Variants in PJA2 observed in about 807,000 individuals in gnomAD.
PJA2 encodes praja ring finger ubiquitin ligase 2.
PJA2 carries 25 observed loss-of-function variants against 69.3 expected under a neutral mutation model. That is an observed-to-expected ratio of 0.36 (90% CI 0.26 to 0.50). PJA2 has a LOEUF of 0.50. Ranked by LOEUF, PJA2 falls within the 20% of genes least tolerant of loss-of-function variation. PJA2 has a pLI of 0.96. For synonymous variants in PJA2, 308 were observed against 277.8 expected, an observed-to-expected ratio of 1.11 and a Z score of -1.08; for missense variants, 809 against 830.2, an observed-to-expected ratio of 0.97 and a Z score of 0.31.
Position 109,370,032 on chromosome 5 carries a change from CAAAAAAAAA to C in PJA2, c.1284-1295_1284-1287del, listed in dbSNP as rs1168528650. On this transcript the variant is annotated intron_variant, in intron 4 of 9. Transcript: ENST00000361189. ...GGGCAACAGGAGTGAAACTCCCTCT[CAAAAAAAAA>C]AAAAAAAAAAAAAAGCAGCACAGAA... Among the ~76,000 whole-genome samples, 17 of 49,080 alleles carry C rather than the reference CAAAAAAAAA, an allele frequency of 3.5e-4. No individual in the cohort carries two copies. The East Asian group carries it at 0.01, about 29-fold the overall frequency. 32.2% of individuals were successfully genotyped at this position (49,080 alleles called of 152,430 possible). A position where few individuals can be genotyped will look rare whatever the true frequency, so the allele number is the denominator to read the frequency against.
Position 109,378,538 on chromosome 5 carries a change from T to C in PJA2, c.949A>G (p.Lys317Glu). 6.2e-7 allele frequency: 1 copy of C among 1,614,182 alleles called. No individual in the cohort carries two copies. Among genetic ancestry groups the C allele is most frequent in the Non-Finnish European group, 8.5e-7 (1 of 1,180,010 alleles). The change falls in exon 4 of 10, where the codon AAA (lysine) becomes GAA (glutamate). Residue 317 changes from lysine (K) to glutamate (E), a missense_variant. Around this residue, in one of 4 missense-constraint regions of PJA2, gnomAD observed 700 missense variants for 639.5 expected, o/e 1.09. Transcript: ENST00000361189. ...GSSPEQVVRP[K>E]VRKLISSSQV... Reference sequence around the variant, plus strand: ...CTTGAACTTATCAGTTTTCTAACTTTTGGCCTCACTACCTGTTCAGGAGAA... The same window carrying C: ...CTTGAACTTATCAGTTTTCTAACTTCTGGCCTCACTACCTGTTCAGGAGAA...
At chr5:109,345,172 G>A (rs1582584168) in intron 7 of PJA2, among the ~76,000 whole-genome samples, 5 of 113,976 alleles carry the variant, frequency 4.4e-5, no homozygotes, top group African/African-American at 1.1e-4. Context: ...GTGAAATCCC[G>A]TCTCTAGTAA....
At chr5:109,338,568 C>T (rs1410340712) in intron 9 of PJA2, among the ~76,000 whole-genome samples, 8 of 136,484 alleles carry the variant, frequency 5.9e-5, no homozygotes, top group African/African-American at 2.0e-4. Context: ...ACCCGGGAGG[C>T]GGAGGTTGCA....
At chr5:109,380,801 T>C (rs1395287725) in intron 3 of PJA2, among the ~76,000 whole-genome samples, 3 of 75,386 alleles carry the variant, frequency 4.0e-5, no homozygotes, top group Non-Finnish European at 5.5e-5. Flanking sequence ...TAAGATTCCA[T>C]CTCAAAAAAA....
chr5:109,406,179 T>G (rs976985927), intron 1 of PJA2, among the ~76,000 whole-genome samples: 1 of 151,776 alleles, frequency 6.6e-6, no homozygotes, highest in African/African-American at 2.4e-5. Context: ...TAGCTGGCAC[T>G]ACAGGTATCC....
rs1390413532 is a variant in PJA2 at position 109,335,836 on chromosome 5, A to C, written c.*1395T>G. 6.6e-6 allele frequency: 1 copy of C among 152,650 alleles called. No individual in the cohort carries two copies. Among genetic ancestry groups the C allele is most frequent in the South Asian group, 2.1e-4 (1 of 4,830 alleles). 9.5% of individuals were successfully genotyped at this position (152,650 alleles called of 1,614,324 possible). ...CAAAGAACTCCTAAATTACAAATTC[A>C]TCACATTACATGCATGCAATGTTCA... On this transcript the variant is annotated 3_prime_UTR_variant, in exon 10 of 10. Transcript: ENST00000361189.
intron 5 of PJA2, among the ~76,000 whole-genome samples, chr5:109,363,694 T>G (rs1469558050): frequency 1.4e-5 from 2 of 141,670 alleles, no homozygotes; most frequent in African/African-American, 5.1e-5. Context: ...CTCTGCTTAT[T>G]TAAACTATAA....
chr5:109,369,009 A>G (rs541004060), intron 4 of PJA2, among the ~76,000 whole-genome samples: 18 of 151,394 alleles, frequency 1.2e-4, no homozygotes, highest in African/African-American at 4.4e-4. Flanking sequence ...AGTGTGTGGC[A>G]CCTCCCCCCT....
chr5:109,368,155 A>G (rs1762616636), intron 5 of PJA2, among the ~76,000 whole-genome samples: 2 of 152,208 alleles, frequency 1.3e-5, no homozygotes, highest in Admixed American at 1.3e-4. Context: ...ATCTCATCCA[A>G]TGCAATTAGA....
chr5:109,390,514 T>G (rs1326476666), intron 1 of PJA2: 1 of 152,034 alleles, frequency 6.6e-6, no homozygotes, highest in Middle Eastern at 3.2e-3. Context: ...TCTTACTCAC[T>G]TATATATAAT....
At chr5:109,353,648 T>C (rs1331383104) in intron 7 of PJA2, among the ~76,000 whole-genome samples, 1 of 146,852 alleles carries the variant, frequency 6.8e-6, no homozygotes, top group Non-Finnish European at 1.5e-5. Context: ...GATATCTATA[T>C]ATTAGATACC....
chr5:109,337,797 T>C (rs541818727), intron 9 of PJA2, among the ~76,000 whole-genome samples: 227 of 151,980 alleles, frequency 1.5e-3, no homozygotes, highest in Non-Finnish European at 2.3e-3. Flanking sequence ...TCACACCAAA[T>C]CATTTATGAT....
intron 4 of PJA2, among the ~76,000 whole-genome samples, chr5:109,376,687 G>C (rs911131130): frequency 1.3e-5 from 2 of 152,146 alleles, no homozygotes; most frequent in East Asian, 3.9e-4. Context: ...ATCAAAGACT[G>C]TAAGTTTTGT....
intron 6 of PJA2, among the ~76,000 whole-genome samples, chr5:109,358,649 G>A (rs1290942518): frequency 2.6e-5 from 4 of 151,986 alleles, no homozygotes; most frequent in Admixed American, 6.6e-5. Context: ...GTGAAAGCCC[G>A]TATCTACAAA....
chr5:109,396,383 T>TA (rs1378636502), intron 1 of PJA2, among the ~76,000 whole-genome samples: 1 of 151,472 alleles, frequency 6.6e-6, no homozygotes, highest in Non-Finnish European at 1.5e-5. Context: ...ATTTTCTTCT[T>TA]AAAATACCAA....
chr5:109,358,684 G>A (rs1035687346), intron 6 of PJA2, among the ~76,000 whole-genome samples: 1 of 152,072 alleles, frequency 6.6e-6, no homozygotes, highest in African/African-American at 2.4e-5. Context: ...GCCAGGCATT[G>A]GTAGCTCATG....
At chr5:109,353,575 G>T (rs1374766520) in intron 7 of PJA2, among the ~76,000 whole-genome samples, 1 of 139,972 alleles carries the variant, frequency 7.1e-6, no homozygotes, top group Admixed American at 7.3e-5. Context: ...TAATATCATA[G>T]ACATCTATAT....
chr5:109,390,954 C>CA (rs773070136), intron 1 of PJA2, among the ~76,000 whole-genome samples: 2 of 152,098 alleles, frequency 1.3e-5, no homozygotes, highest in Non-Finnish European at 1.5e-5. Context: ...GTCCTTATAT[C>CA]AAAGTGTAAC....
intron 1 of PJA2, among the ~76,000 whole-genome samples, chr5:109,401,848 C>T (rs994359561): frequency 6.6e-6 from 1 of 152,064 alleles, no homozygotes; most frequent in Non-Finnish European, 1.5e-5. Context: ...ATTTAAATAG[C>T]TACACTGGCT....
Sources: allele counts gnomAD v4.1 joint callset (sites outside exome capture counted in the v4.1 genomes callset), GRCh38; gene constraint gnomAD v4.1.1; regional missense constraint gnomAD v4.1.1; transcripts MANE v1.5; gene names NCBI Gene and HGNC (gene_info 2026-07-23, HGNC 2026-07-21).